Variants in MLLT3 observed in about 807,000 individuals in gnomAD.
MLLT3 encodes the protein protein AF-9.
Under a neutral mutation model 53.2 loss-of-function variants are expected in MLLT3, and 4 were observed. That is an observed-to-expected ratio of 0.08 (90% CI 0.04 to 0.17). The LOEUF (loss-of-function observed/expected upper bound fraction) is 0.17. Ranked by LOEUF, MLLT3 falls within the 10% of genes least tolerant of loss-of-function variation. The pLI, the probability that MLLT3 is intolerant of heterozygous loss-of-function variation, is 1.00. For missense variants in MLLT3, 569 were observed against 684.0 expected (o/e 0.83, Z 1.87); for synonymous variants, 283 against 230.6 (o/e 1.23, Z -2.06).
At position 20,599,298 on chromosome 9, in the gene MLLT3, T is replaced by C. The variant is rs1357962162; in HGVS notation, c.193+21356A>G. Among the ~76,000 whole-genome samples, 9 of 147,014 alleles carry C rather than the reference T, an allele frequency of 6.1e-5. No individual in the cohort carries two copies. The East Asian group carries it at 1.6e-3, about 26-fold the overall frequency. ...CAGCCTGGGCGACAGAGTAAGACTC[T>C]GTCTCCAAAAAAAAAAAAAAAAGAG... On this transcript the variant is annotated intron_variant, in intron 2 of 10. Transcript: ENST00000380338.
At chr9:20,443,626 A>C (rs186665838) in intron 4 of MLLT3, among the ~76,000 whole-genome samples, 2 of 152,206 alleles carry the variant, frequency 1.3e-5, no homozygotes, top group Non-Finnish European at 2.9e-5. Context: ...GGTGGTAAAC[A>C]TGTTTTCCTG....
chr9:20,385,033 A>G (rs1822000807), intron 5 of MLLT3, among the ~76,000 whole-genome samples: 1 of 152,152 alleles, frequency 6.6e-6, no homozygotes. Context: ...AGTTACCTCT[A>G]GACTCAGACT....
At chr9:20,523,214 T>C (rs902749944) in intron 2 of MLLT3, among the ~76,000 whole-genome samples, 2 of 152,220 alleles carry the variant, frequency 1.3e-5, no homozygotes, top group Non-Finnish European at 2.9e-5. Flanking sequence ...AGAATGCCGA[T>C]AACACTTCAT....
intron 4 of MLLT3, among the ~76,000 whole-genome samples, chr9:20,435,628 G>A (rs189017572): frequency 1.1e-4 from 16 of 152,176 alleles, no homozygotes; most frequent in East Asian, 7.7e-4. Context: ...TATACACTCC[G>A]AGCTATGTAG....
At chr9:20,450,407 T>C (rs1220329590) in intron 3 of MLLT3, among the ~76,000 whole-genome samples, 1 of 152,228 alleles carries the variant, frequency 6.6e-6, no homozygotes, top group Non-Finnish European at 1.5e-5. Context: ...TATAAAAGCC[T>C]TTAATGGTTC....
Position 20,540,206 on chromosome 9 carries a change from T to C in MLLT3, c.193+80448A>G, listed in dbSNP as rs1314038618. Among the ~76,000 whole-genome samples the C allele has an allele frequency of 2.0e-5, 3 of 152,330 alleles. No homozygotes were observed. In the East Asian group the frequency reaches 5.8e-4, roughly 29 times the overall value. ...TGCTTTCACGGGCTGGTGTTGAGTG[T>C]CTGCAGCTTTTCCTGGTGTACAGTG... On this transcript the variant is annotated intron_variant, in intron 2 of 10. Coordinates refer to ENST00000380338, the MANE Select transcript of MLLT3 (RefSeq NM_004529.4).
chr9:20,457,238 C>CTTTT (rs769037689), intron 2 of MLLT3, among the ~76,000 whole-genome samples: 4 of 63,738 alleles, frequency 6.3e-5, no homozygotes, highest in African/African-American at 1.2e-4. Flanking sequence ...ACAAGGACAT[C>CTTTT]TTTTTTTTTT....
At chr9:20,497,135 T>C (rs1230906747) in intron 2 of MLLT3, among the ~76,000 whole-genome samples, 1 of 152,260 alleles carries the variant, frequency 6.6e-6, no homozygotes, top group African/African-American at 2.4e-5. Flanking sequence ...AGACATGCTG[T>C]AGTATCCAGT....
chr9:20,516,390 A>G (rs1421419692), intron 2 of MLLT3, among the ~76,000 whole-genome samples: 1 of 152,216 alleles, frequency 6.6e-6, no homozygotes, highest in East Asian at 1.9e-4. Context: ...ACAGTTAATC[A>G]CAGAGCTAGA....
At chr9:20,375,765 C>T (rs748240535) in intron 5 of MLLT3, among the ~76,000 whole-genome samples, 3 of 151,922 alleles carry the variant, frequency 2.0e-5, no homozygotes, top group Non-Finnish European at 4.4e-5. Context: ...CCTGCCACCA[C>T]GCCCGGCTAG....
chr9:20,362,245 C>T (rs1191496781), intron 7 of MLLT3, among the ~76,000 whole-genome samples: 1 of 152,144 alleles, frequency 6.6e-6, no homozygotes, highest in African/African-American at 2.4e-5. Context: ...CACACAGACT[C>T]AGGAGTTGCA....
Position 20,414,279 on chromosome 9 carries a change from A to G in MLLT3, c.567T>C (p.Ser189=), listed in dbSNP as rs1056980759. 2.5e-6 allele frequency: 4 copies of G among 1,608,736 alleles called. No individual in the cohort carries two copies. The highest frequency in any genetic ancestry group is 2.2e-5 in the East Asian group (1 of 44,702). ...SSSSSSSSSS[S]STSFSKPHKL... is the part of the protein sequence containing the mutation. ...TGTGAGGCTTTGAAAAACTGGTACT[A>G]CTGCTGCTGCTGCTGCTGCTACTGC... Residue 189 remains serine, a synonymous_variant, in exon 5 of 11, where the codon AGT becomes AGC. Transcript: ENST00000380338.
At chr9:20,477,255 A>G (rs1366148729) in intron 2 of MLLT3, among the ~76,000 whole-genome samples, 1 of 152,108 alleles carries the variant, frequency 6.6e-6, no homozygotes, top group Admixed American at 6.6e-5. Context: ...GGTTTGCTCT[A>G]TTTGTCATGA....
At chr9:20,583,833 C>A (rs545547119) in intron 2 of MLLT3, among the ~76,000 whole-genome samples, 1 of 152,262 alleles carries the variant, frequency 6.6e-6, no homozygotes, top group South Asian at 2.1e-4. Flanking sequence ...TGATGGAAGG[C>A]GCTGCCATGA....
chr9:20,532,127 T>C (rs1460469703), intron 2 of MLLT3, among the ~76,000 whole-genome samples: 1 of 152,116 alleles, frequency 6.6e-6, no homozygotes, highest in Non-Finnish European at 1.5e-5. Context: ...AAGCGAAACA[T>C]TAAACCTTAT....
intron 5 of MLLT3, among the ~76,000 whole-genome samples, chr9:20,405,474 A>C (rs758049209): frequency 6.6e-6 from 1 of 152,226 alleles, no homozygotes; most frequent in Admixed American, 6.5e-5. Flanking sequence ...AACAAGGTTT[A>C]ATCATCAGTG....
chr9:20,476,380 G>A (rs957666627), intron 2 of MLLT3, among the ~76,000 whole-genome samples: 6 of 151,950 alleles, frequency 3.9e-5, no homozygotes, highest in East Asian at 1.9e-4. Flanking sequence ...CACTTTAATC[G>A]GGAGTTAAAT....
At chr9:20,449,106 G>A (rs1046823878) in intron 3 of MLLT3, among the ~76,000 whole-genome samples, 5 of 151,866 alleles carry the variant, frequency 3.3e-5, no homozygotes, top group Admixed American at 2.6e-4. Context: ...CTTAACTCCC[G>A]ACTCCCCACT....
chr9:20,489,933 G>T (rs1285444732), intron 2 of MLLT3, among the ~76,000 whole-genome samples: 1 of 152,076 alleles, frequency 6.6e-6, no homozygotes, highest in Non-Finnish European at 1.5e-5. Context: ...AAAAAATAAG[G>T]AGAGAAATTA....
Sources: allele counts gnomAD v4.1 joint callset (sites outside exome capture counted in the v4.1 genomes callset), GRCh38; gene constraint gnomAD v4.1.1; transcripts MANE v1.5; gene names NCBI Gene and HGNC (gene_info 2026-07-23, HGNC 2026-07-21).